Variants in NRG1 observed in about 807,000 individuals in gnomAD.
NRG1 encodes neuregulin 1, also known as pro-neuregulin-1, membrane-bound isoform.
Under a neutral mutation model 63.8 loss-of-function variants are expected in NRG1, and 18 were observed. The ratio of observed to expected loss-of-function variants is 0.28; its 90% CI spans 0.19 to 0.42. The LOEUF (loss-of-function observed/expected upper bound fraction) is 0.42. Among genes scored for constraint, NRG1 ranks in the 10% least tolerant of loss-of-function variants. The probability of loss-of-function intolerance (pLI) is 1.00; values close to 1 mark genes in which losing one functional copy is unlikely to be tolerated. For synonymous variants in NRG1, 302 were observed against 301.3 expected (o/e 1.00, Z -0.02); for missense variants, 762 against 814.7 (o/e 0.94, Z 0.79).
intron 1 of NRG1, among the ~76,000 whole-genome samples, chr8:31,868,208 A>G (rs923454231): frequency 6.6e-6 from 1 of 150,686 alleles, no homozygotes; most frequent in Non-Finnish European, 1.5e-5. Flanking sequence ...AAGCCCTGAG[A>G]ATTTTCAGAG....
At chr8:31,931,161 T>C (rs1035110502) in intron 1 of NRG1, among the ~76,000 whole-genome samples, 2 of 152,118 alleles carry the variant, frequency 1.3e-5, no homozygotes, top group Non-Finnish European at 2.9e-5. Context: ...CTACTATTGC[T>C]TTCTCTCTCC....
intron 1 of NRG1, among the ~76,000 whole-genome samples, chr8:31,721,681 CCTT>C (rs1419512788): frequency 1.3e-5 from 2 of 152,010 alleles, no homozygotes; most frequent in East Asian, 1.9e-4. Flanking sequence ...TTTTTTTCTT[CCTT>C]CTTCTTACTT....
chr8:31,778,442 C>T (rs934812339), intron 1 of NRG1, among the ~76,000 whole-genome samples: 1 of 152,176 alleles, frequency 6.6e-6, no homozygotes, highest in Non-Finnish European at 1.5e-5. Flanking sequence ...CATTTATCTT[C>T]CTTCCCCCAA....
At chr8:31,959,123 G>A (rs1464435064) in intron 1 of NRG1, among the ~76,000 whole-genome samples, 2 of 152,180 alleles carry the variant, frequency 1.3e-5, no homozygotes, top group Admixed American at 6.5e-5. Context: ...GCACATACTG[G>A]TTGCTCAATA....
chr8:32,705,886 T>C (rs1246970349), intron 5 of NRG1, among the ~76,000 whole-genome samples: 2 of 152,236 alleles, frequency 1.3e-5, no homozygotes, highest in Non-Finnish European at 2.9e-5. Context: ...CGACAAGTCT[T>C]TGCTTTCTTT....
Position 31,679,913 on chromosome 8 carries a change from C to T in NRG1, c.37+40482C>T, listed in dbSNP as rs1309674197. On this transcript the variant is annotated intron_variant, in intron 1 of 10. Coordinates refer to the NRG1 transcript ENST00000519301. ...AAATCAATTGCATTTCTGTACTTTGCTACAAATATTTGGAAAAGGTAACAA... is the reference window on the plus strand; with the variant it reads ...AAATCAATTGCATTTCTGTACTTTGTTACAAATATTTGGAAAAGGTAACAA... Among the ~76,000 whole-genome samples the T allele has an allele frequency of 5.3e-5, 8 of 151,990 alleles. 2 individuals carry two copies. The highest frequency in any genetic ancestry group is 5.2e-4 in the Admixed American group (8 of 15,260).
chr8:31,649,126 T>C (rs1003261188), intron 1 of NRG1, among the ~76,000 whole-genome samples: 15 of 152,160 alleles, frequency 9.9e-5, no homozygotes, highest in African/African-American at 3.6e-4. Flanking sequence ...GCCTAAGTTT[T>C]GTATTTTTAG....
intron 1 of NRG1, among the ~76,000 whole-genome samples, chr8:31,662,744 C>T (rs189085365): frequency 1.1e-3 from 173 of 152,260 alleles, no homozygotes; most frequent in African/African-American, 3.9e-3. Flanking sequence ...TCATCATCTG[C>T]ACTTGGATGG....
intron 1 of NRG1, among the ~76,000 whole-genome samples, chr8:32,290,907 A>ATGTGTGTG (rs148186950): frequency 1.1e-4 from 16 of 149,854 alleles, no homozygotes; most frequent in African/African-American, 2.4e-4. Flanking sequence ...GAGACACAGG[A>ATGTGTGTG]TGTGTGTGTG....
intron 1 of NRG1, among the ~76,000 whole-genome samples, chr8:32,540,137 T>C (rs1832429093): frequency 1.3e-5 from 2 of 152,182 alleles, no homozygotes; most frequent in Admixed American, 1.3e-4. Flanking sequence ...TAATGGTTAA[T>C]TGGGGTAACC....
intron 1 of NRG1, chr8:31,639,692 C>T (rs1249175760): frequency 5.7e-6 from 8 of 1,400,296 alleles, no homozygotes; most frequent in Non-Finnish European, 7.4e-6. Flanking sequence ...GGTGGGGGGA[C>T]CTGTCACTCC....
chr8:32,634,764 G>A (rs1455260401), intron 5 of NRG1, among the ~76,000 whole-genome samples: 1 of 152,092 alleles, frequency 6.6e-6, no homozygotes, highest in Non-Finnish European at 1.5e-5. Context: ...TTATGTAATT[G>A]ATGATTTTAA....
intron 1 of NRG1, among the ~76,000 whole-genome samples, chr8:32,493,125 C>A (rs1826798980): frequency 2.0e-5 from 3 of 152,098 alleles, no homozygotes; most frequent in Non-Finnish European, 2.9e-5. Flanking sequence ...ATTAACAACC[C>A]TTCTGTGTGT....
intron 1 of NRG1, among the ~76,000 whole-genome samples, chr8:32,583,510 T>C (rs988010969): frequency 6.6e-6 from 1 of 152,194 alleles, no homozygotes; most frequent in Non-Finnish European, 1.5e-5. Context: ...CTAATTAACC[T>C]TCTTTCTAAG....
intron 1 of NRG1, among the ~76,000 whole-genome samples, chr8:31,770,585 G>C (rs1818513869): frequency 6.6e-6 from 1 of 151,328 alleles, no homozygotes; most frequent in Non-Finnish European, 1.5e-5. Flanking sequence ...CTTGGACACA[G>C]GAAGGGGAAC....
intron 1 of NRG1, among the ~76,000 whole-genome samples, chr8:31,974,221 C>T (rs1807789260): frequency 6.6e-6 from 1 of 152,094 alleles, no homozygotes; most frequent in Admixed American, 6.5e-5. Context: ...GCTGGTGTGC[C>T]ATGATCCTAT....
intron 1 of NRG1, among the ~76,000 whole-genome samples, chr8:32,080,165 A>C (rs1022086000): frequency 6.6e-6 from 1 of 152,198 alleles, no homozygotes; most frequent in Non-Finnish European, 1.5e-5. Flanking sequence ...TTTTAAAGGA[A>C]AATTTTTCTC....
Position 32,352,912 on chromosome 8 carries a change from T to TAG in NRG1, c.38-242915_38-242914insGA, listed in dbSNP as rs748881695. Among the ~76,000 whole-genome samples, 47 of 140,864 alleles carry TAG rather than the reference T, an allele frequency of 3.3e-4. 1 individual carries two copies. The highest frequency in any genetic ancestry group is 1.1e-3 in the African/African-American group (43 of 38,900). 92.4% of individuals were successfully genotyped at this position (140,864 alleles called of 152,430 possible). A position where few individuals can be genotyped will look rare whatever the true frequency, so the allele number is the denominator to read the frequency against. Reference sequence around the variant, plus strand: ...AAATATATATATACATATATATATATATAGAGAGAGAGAGAGACTATATAT... The same window carrying TAG: ...AAATATATATATACATATATATATATAGATAGAGAGAGAGAGAGACTATATAT... On this transcript the variant is annotated intron_variant, in intron 1 of 10. Transcript: ENST00000519301.
intron 1 of NRG1, among the ~76,000 whole-genome samples, chr8:32,231,661 G>A (rs1846957283): frequency 1.3e-5 from 2 of 151,984 alleles, no homozygotes; most frequent in Admixed American, 1.3e-4. Flanking sequence ...AGCACTTTGG[G>A]AGACCAAGGT....
Sources: allele counts gnomAD v4.1 joint callset (sites outside exome capture counted in the v4.1 genomes callset), GRCh38; gene constraint gnomAD v4.1.1; transcripts MANE v1.5; gene names NCBI Gene and HGNC (gene_info 2026-07-23, HGNC 2026-07-21).